ZBTB38: variants seen among roughly 807,000 people sequenced by gnomAD.
The protein encoded by ZBTB38 is zinc finger and BTB domain containing 38.
In ZBTB38, 20 loss-of-function variants were observed where a neutral mutation model predicts 76.8. The ratio of observed to expected loss-of-function variants is 0.26; its 90% confidence interval spans 0.18 to 0.38. The LOEUF is 0.38. ZBTB38 is among the 10% of genes least tolerant of loss of function. ZBTB38 has a pLI of 1.00. For synonymous variants in ZBTB38, 504 were observed against 544.2 expected (o/e 0.93, Z 1.03); for missense variants, 1,082 against 1,482.3 (o/e 0.73, Z 4.43).
intron 1 of ZBTB38, among the ~76,000 whole-genome samples, chr3:141,349,695 A>G (rs1943464898): frequency 6.6e-6 from 1 of 152,114 alleles, no homozygotes. Context: ...ATGCCACTGC[A>G]CTCCAGCCTG....
chr3:141,443,893 A>G lies in ZBTB38; in HGVS notation c.1505A>G (p.Tyr502Cys). ...AACAAAGTATTTGCATTGGCTGAGT[A>G]CAGGACAAGGCATGAAATTTGGCAT... ...YCNKVFALAE[Y>C]RTRHEIWHTG... The change falls in exon 6 of 6, where the codon TAC (tyrosine) becomes TGC (cysteine). Residue 502 changes from tyrosine to cysteine, a missense_variant. By Grantham distance (194) the Tyr-to-Cys change is radical. This residue lies in a region of ZBTB38 where 60 missense variants were observed against 126.0 expected (regional missense o/e 0.48). Transcript: ENST00000321464. This position sits in a 1 kb window ranked among gnomAD's most constrained non-coding sequence, Gnocchi z 5.6. The G allele has an allele frequency of 6.2e-7, 1 of 1,614,188 alleles. No homozygotes were observed. The highest frequency in any genetic ancestry group is 1.1e-5 in the South Asian group (1 of 91,086).
intron 4 of ZBTB38, chr3:141,402,696 CGG>C: frequency 6.6e-6 from 1 of 151,362 alleles, no homozygotes; most frequent in East Asian, 1.9e-4. Flanking sequence ...CGGGGCGGGG[CGG>C]GGTGGGTTCG....
rs557481629 is a variant in ZBTB38, at chr3:141,381,911, C to T, written c.-172+424C>T. Among the ~76,000 whole-genome samples, 43 of 152,210 alleles carry T rather than the reference C, an allele frequency of 2.8e-4. No homozygotes were observed. The South Asian group carries it at 6.0e-3, about 21-fold the overall frequency. On this transcript the variant is annotated intron_variant, in intron 3 of 5. Transcript: ENST00000321464. ...ATGAACAGATGTTAACAAACAGAGT[C>T]ATTAAAATGATTTTAGTGTTTAAAT...
intron 5 of ZBTB38, among the ~76,000 whole-genome samples, chr3:141,408,024 T>C (rs1021478363): frequency 2.0e-5 from 3 of 152,214 alleles, no homozygotes; most frequent in African/African-American, 4.8e-5. Flanking sequence ...GAATAAGTGA[T>C]GACACCCTGT....
At chr3:141,344,891 A>G (rs1176196305) in intron 1 of ZBTB38, among the ~76,000 whole-genome samples, 2 of 152,222 alleles carry the variant, frequency 1.3e-5, no homozygotes, top group Non-Finnish European at 2.9e-5. Context: ...ACATATTCAC[A>G]TGATCTTGGA....
chr3:141,413,984 CTG>C lies in ZBTB38; in HGVS notation c.-1+9954_-1+9955del, dbSNP rs1248566315. Among the ~76,000 whole-genome samples, 10 of 152,202 alleles carry C rather than the reference CTG, an allele frequency of 6.6e-5. No homozygotes were observed. Among genetic ancestry groups the C allele is most frequent in the Non-Finnish European group, 1.2e-4 (8 of 68,038 alleles). On this transcript the variant is annotated intron_variant, in intron 5 of 5. Transcript: ENST00000321464. The surrounding 1 kb of genome is among the most constrained non-coding windows in gnomAD (Gnocchi z 4.1). ...CTGTTCTTCATTAGGACGGAGCACT[CTG>C]AGAGTTTTGAAAACTTGAATACTGA...
At position 141,445,740 on chromosome 3, in the gene ZBTB38, C is replaced by A; in HGVS notation, c.3352C>A (p.Arg1118=). 6.2e-7 allele frequency: 1 copy of A among 1,614,206 alleles called. No homozygotes were observed. Among genetic ancestry groups the A allele is most frequent in the Non-Finnish European group, 8.5e-7 (1 of 1,180,032 alleles). ...TKRNHEQRHI[R]EHNGKGYACF... is the part of the protein sequence containing the mutation. ...AAGGAATCACGAGCAGAGGCATATT[C>A]GGGAGCATAATGGGAAGGGCTATGC... The change falls in exon 6 of 6, where the codon CGG becomes AGG. Residue 1118 remains arginine, a synonymous_variant. Coordinates refer to ENST00000321464, the MANE Select transcript of ZBTB38 (RefSeq NM_001376113.1). This position sits in a 1 kb window ranked among gnomAD's most constrained non-coding sequence, Gnocchi z 6.5.
chr3:141,331,849 G>A (rs954740714), intron 1 of ZBTB38, among the ~76,000 whole-genome samples: 2 of 152,242 alleles, frequency 1.3e-5, no homozygotes, highest in African/African-American at 4.8e-5. Flanking sequence ...TCTGTGCTTG[G>A]ACAGGATTCT....
intron 5 of ZBTB38, among the ~76,000 whole-genome samples, chr3:141,416,654 G>T (rs1208790511): frequency 6.6e-6 from 1 of 152,168 alleles, no homozygotes; most frequent in Non-Finnish European, 1.5e-5. Context: ...GACCTAATTT[G>T]GGAAAAGGGT....
At chr3:141,421,625 G>C (rs1245403829) in intron 5 of ZBTB38, among the ~76,000 whole-genome samples, 1 of 152,224 alleles carries the variant, frequency 6.6e-6, no homozygotes, top group Non-Finnish European at 1.5e-5. Context: ...GGGCCCCTCA[G>C]TTGCTCCCTC....
At chr3:141,409,607 G>A (rs868483996) in intron 5 of ZBTB38, among the ~76,000 whole-genome samples, 4 of 152,188 alleles carry the variant, frequency 2.6e-5, no homozygotes, top group Admixed American at 1.3e-4. Context: ...TACGTGCCAG[G>A]TAGGAGATCA....
chr3:141,399,636 CAG>C (rs1951255025), intron 4 of ZBTB38, among the ~76,000 whole-genome samples: 1 of 152,160 alleles, frequency 6.6e-6, no homozygotes, highest in African/African-American at 2.4e-5. Flanking sequence ...ATTAAATTAA[CAG>C]AGTGCTGCTA....
intron 5 of ZBTB38, among the ~76,000 whole-genome samples, chr3:141,424,412 T>C (rs1342277305): frequency 1.3e-5 from 2 of 152,044 alleles, no homozygotes; most frequent in African/African-American, 4.8e-5. Flanking sequence ...TCCTAACTAC[T>C]CAGGATCTGA....
chr3:141,405,025 C>G (rs922195303), intron 5 of ZBTB38, among the ~76,000 whole-genome samples: 22 of 152,218 alleles, frequency 1.4e-4, no homozygotes, highest in African/African-American at 4.8e-4. Context: ...TTTTTCTCCA[C>G]TTAAATCTAT....
At chr3:141,327,558 C>T (rs191788385) in intron 1 of ZBTB38, among the ~76,000 whole-genome samples, 2 of 152,310 alleles carry the variant, frequency 1.3e-5, no homozygotes, top group East Asian at 1.9e-4. Context: ...GAGAAACTGT[C>T]AAAGCCCAGA....
intron 5 of ZBTB38, among the ~76,000 whole-genome samples, chr3:141,423,794 C>A (rs894280941): frequency 6.6e-6 from 1 of 151,930 alleles, no homozygotes; most frequent in Admixed American, 6.6e-5. Flanking sequence ...AATGAATCCA[C>A]TAAACTGAGA....
At chr3:141,399,193 T>C (rs1951112234) in intron 4 of ZBTB38, among the ~76,000 whole-genome samples, 2 of 152,224 alleles carry the variant, frequency 1.3e-5, no homozygotes, top group South Asian at 4.1e-4. Context: ...TAGACTCCCT[T>C]AGGAAGTGCT....
At position 141,418,960 on chromosome 3, in the gene ZBTB38, TG is replaced by T. The variant is rs1403852713; in HGVS notation, c.-1+14931del. Among the ~76,000 whole-genome samples, 24 of 152,332 alleles carry T rather than the reference TG, an allele frequency of 1.6e-4. 1 individual carries two copies. Among genetic ancestry groups the T allele is most frequent in the Admixed American group, 1.4e-3 (21 of 15,296 alleles). On this transcript the variant is annotated intron_variant, in intron 5 of 5. Coordinates refer to ENST00000321464, the MANE Select transcript of ZBTB38 (RefSeq NM_001376113.1). ...ATGCTATAGACTGATCAGGAAAGAC[TG>T]GTTTTGTTGGTAAAGATAGCTAACC...
At chr3:141,388,389 A>C (rs1182743468) in intron 4 of ZBTB38, 1 of 152,190 alleles carries the variant, frequency 6.6e-6, no homozygotes, top group Non-Finnish European at 1.5e-5. Flanking sequence ...TATTATGTAT[A>C]TAATTTGGGG....
Sources: gnomAD v4.1 joint callset for allele counts (sites outside exome capture counted in the v4.1 genomes callset) on GRCh38, gnomAD v4.1.1 for gene constraint, gnomAD v4.1.1 regional missense constraint, Gnocchi (gnomAD v3.1) non-coding constraint, MANE v1.5 for transcripts, NCBI Gene and HGNC (gene_info 2026-07-23, HGNC 2026-07-21) for gene names.